The following DOCK2 variants were observed in gnomAD, a reference collection of about 807,000 sequenced individuals.
DOCK2 encodes dedicator of cytokinesis protein 2.
In DOCK2, 87 loss-of-function variants were observed where a neutral mutation model predicts 248.9. The ratio of observed to expected loss-of-function variants is 0.35; its 90% CI spans 0.29 to 0.42. DOCK2 has a LOEUF of 0.42. DOCK2 is among the 10% of genes least tolerant of loss of function. DOCK2 has a pLI of 1.00. For synonymous variants in DOCK2, 805 were observed against 821.6 expected (o/e 0.98, Z 0.35); for missense variants, 1,747 against 2,300.2 (o/e 0.76, Z 4.92).
At chr5:169,808,303 G>A (rs542342441) in intron 26 of DOCK2, among the ~76,000 whole-genome samples, 78 of 152,206 alleles carry the variant, frequency 5.1e-4, no homozygotes, top group African/African-American at 1.7e-3. Flanking sequence ...CTTCCATTTG[G>A]GGGGCGCTGT....
intron 2 of DOCK2, among the ~76,000 whole-genome samples, chr5:169,660,380 A>G (rs1243380432): frequency 6.6e-6 from 1 of 152,230 alleles, no homozygotes; most frequent in African/African-American, 2.4e-5. Flanking sequence ...GGAATGAGGG[A>G]GGAGATGGAT....
chr5:170,023,699 C>A (rs1467309933), intron 33 of DOCK2, among the ~76,000 whole-genome samples: 1 of 152,208 alleles, frequency 6.6e-6, no homozygotes, highest in Non-Finnish European at 1.5e-5. Flanking sequence ...TTCCTCCCAA[C>A]TCTACTTCTT....
rs1561828965 is a variant in DOCK2, at chr5:169,925,578, T to TAAAAA, written c.2800-57490_2800-57489insAAAAA. On this transcript the variant is annotated intron_variant, in intron 27 of 51. Coordinates refer to ENST00000520908, the MANE Select transcript of DOCK2 (RefSeq NM_004946.3). ...CTGGGCGACAGAGCAAGACTCTGTC[T>TAAAAA]TAAAAAAAAAAAAAAAAAAAAAAAA... Among the ~76,000 whole-genome samples the TAAAAA allele has an allele frequency of 5.9e-4, 19 of 32,318 alleles. 8 individuals carry two copies. Among genetic ancestry groups the TAAAAA allele is most frequent in the African/African-American group, 1.9e-3 (15 of 7,834 alleles). 21.2% of individuals were successfully genotyped at this position (32,318 alleles called of 152,430 possible).
intron 26 of DOCK2, among the ~76,000 whole-genome samples, chr5:169,821,050 G>T (rs1456510292): frequency 2.0e-5 from 3 of 152,252 alleles, no homozygotes; most frequent in South Asian, 4.1e-4. Flanking sequence ...GAAATGAAGC[G>T]AGCAGAGAAG....
At chr5:169,727,621 G>A (rs1473128861) in intron 22 of DOCK2, among the ~76,000 whole-genome samples, 2 of 152,166 alleles carry the variant, frequency 1.3e-5, no homozygotes, top group African/African-American at 4.8e-5. Flanking sequence ...CACAGTGAGT[G>A]CCCCAGTAGG....
chr5:169,769,382 C>T (rs1413197926), intron 25 of DOCK2, among the ~76,000 whole-genome samples: 1 of 152,200 alleles, frequency 6.6e-6, no homozygotes, highest in Non-Finnish European at 1.5e-5. Flanking sequence ...GGTGAAGGAG[C>T]AGCTGACCCT....
chr5:169,680,723 TA>T (rs547328598), intron 6 of DOCK2, among the ~76,000 whole-genome samples: 6 of 148,784 alleles, frequency 4.0e-5, no homozygotes, highest in Admixed American at 2.0e-4. Flanking sequence ...CCTGACTCAT[TA>T]AAAAAAAAAT....
intron 27 of DOCK2, among the ~76,000 whole-genome samples, chr5:169,888,205 C>T (rs1773084291): frequency 6.6e-6 from 1 of 152,196 alleles, no homozygotes; most frequent in Non-Finnish European, 1.5e-5. Flanking sequence ...CTTGCACAGA[C>T]ACATCGTGGG....
chr5:169,654,449 G>A lies in DOCK2; in HGVS notation c.90G>A (p.Gln30=). Residue 30 remains glutamine (Q), a synonymous_variant, in exon 2 of 52, where the codon CAG becomes CAA. Coordinates refer to ENST00000520908, the MANE Select transcript of DOCK2 (RefSeq NM_004946.3). ...GCGGAGCCCCCCAGCTCTCCCTGCA[G>A]ATCGGCGATGTGGTGCGAATACAGG... ...QGSGAPQLSL[Q]IGDVVRIQET... 1 of 1,614,204 alleles carries A rather than the reference G, an allele frequency of 6.2e-7. No individual in the cohort carries two copies. Among genetic ancestry groups the A allele is most frequent in the Non-Finnish European group, 8.5e-7 (1 of 1,180,024 alleles).
chr5:170,069,591 T>C (rs527530993), intron 46 of DOCK2, among the ~76,000 whole-genome samples: 2 of 152,238 alleles, frequency 1.3e-5, no homozygotes, highest in South Asian at 2.1e-4. Context: ...AATCTGATAA[T>C]AGAAGACTTG....
chr5:169,884,427 G>A (rs927666750), intron 27 of DOCK2: 7 of 152,324 alleles, frequency 4.6e-5, no homozygotes, highest in Admixed American at 1.3e-4. Context: ...TCTTTCCATA[G>A]CAGGTAAACA....
chr5:169,823,429 A>G (rs963234755), intron 26 of DOCK2, among the ~76,000 whole-genome samples: 1 of 152,194 alleles, frequency 6.6e-6, no homozygotes, highest in African/African-American at 2.4e-5. Flanking sequence ...ACCGTGATCA[A>G]GTGGGCTTCA....
At chr5:169,802,240 C>T (rs984624589) in intron 25 of DOCK2, among the ~76,000 whole-genome samples, 1 of 152,184 alleles carries the variant, frequency 6.6e-6, no homozygotes, top group Admixed American at 6.5e-5. Context: ...CAGCTCACTG[C>T]AACCTCCATT....
At chr5:169,868,026 G>A (rs1164717660) in intron 27 of DOCK2, among the ~76,000 whole-genome samples, 2 of 152,180 alleles carry the variant, frequency 1.3e-5, no homozygotes, top group African/African-American at 4.8e-5. Flanking sequence ...TCCCTACTGT[G>A]ACAGAAAAAC....
chr5:169,917,926 G>C lies in DOCK2; in HGVS notation c.2800-65142G>C, dbSNP rs17071878. Among the ~76,000 whole-genome samples, 791 of 152,270 alleles carry C rather than the reference G, an allele frequency of 5.2e-3. 6 individuals carry two copies. Among genetic ancestry groups the C allele is most frequent in the African/African-American group, 0.017 (717 of 41,554 alleles). On this transcript the variant is annotated intron_variant, in intron 27 of 51. Transcript: ENST00000520908. The stretch of plus-strand genomic sequence containing the variant: ...AATAAAGAATGGTGTCTCATTTCAG[G>C]GCAGAGGGACTTACAAACTATCAAA...
At chr5:169,898,970 T>C (rs532350480) in intron 27 of DOCK2, among the ~76,000 whole-genome samples, 1 of 152,080 alleles carries the variant, frequency 6.6e-6, no homozygotes, top group Non-Finnish European at 1.5e-5. Flanking sequence ...ATCCAGAAGT[T>C]AAGAACTCAG....
At chr5:169,731,691 G>C (rs1416240407) in intron 22 of DOCK2, among the ~76,000 whole-genome samples, 3 of 152,102 alleles carry the variant, frequency 2.0e-5, no homozygotes, top group East Asian at 3.8e-4. Context: ...TCAGAATAAG[G>C]TTCTTCCAAA....
At chr5:169,673,902 G>A (rs1275472072) in intron 5 of DOCK2, among the ~76,000 whole-genome samples, 1 of 152,180 alleles carries the variant, frequency 6.6e-6, no homozygotes, top group Non-Finnish European at 1.5e-5. Context: ...GCCACACTTT[G>A]GAGAATGCTG....
intron 26 of DOCK2, among the ~76,000 whole-genome samples, chr5:169,836,942 A>G (rs1056645950): frequency 9.2e-5 from 14 of 152,200 alleles, no homozygotes; most frequent in African/African-American, 3.4e-4. Context: ...TTCTTATTCT[A>G]GAAACCCTAC....
Sources: allele counts gnomAD v4.1 joint callset (sites outside exome capture counted in the v4.1 genomes callset), GRCh38; gene constraint gnomAD v4.1.1; transcripts MANE v1.5; gene names NCBI Gene and HGNC (gene_info 2026-07-23, HGNC 2026-07-21).